ALCAM: variants seen among roughly 807,000 people sequenced by gnomAD.
The protein encoded by ALCAM is CD166 antigen.
ALCAM carries 30 observed loss-of-function variants against 70.9 expected under a neutral mutation model. That is an observed-to-expected ratio of 0.42 (90% CI 0.32 to 0.57). ALCAM has a LOEUF of 0.57. Among genes scored for constraint, ALCAM ranks in the 20% least tolerant of loss-of-function variants. The pLI is 0.11. For missense variants in ALCAM, 591 were observed against 695.1 expected (o/e 0.85, Z 1.68); for synonymous variants, 249 against 242.5 (o/e 1.03, Z -0.25).
chr3:105,431,943 A>G (rs1400722107), intron 1 of ALCAM, among the ~76,000 whole-genome samples: 1 of 152,198 alleles, frequency 6.6e-6, no homozygotes, highest in African/African-American at 2.4e-5. Flanking sequence ...AATGCTTTTT[A>G]ACAGAGTATG....
At chr3:105,408,936 C>A (rs144781463) in intron 1 of ALCAM, among the ~76,000 whole-genome samples, 104 of 152,096 alleles carry the variant, frequency 6.8e-4, no homozygotes, top group African/African-American at 2.4e-3. Flanking sequence ...GACCAATGAG[C>A]ATAAGGAAAA....
At chr3:105,375,533 A>G (rs1270991208) in intron 1 of ALCAM, among the ~76,000 whole-genome samples, 1 of 152,188 alleles carries the variant, frequency 6.6e-6, no homozygotes, top group Non-Finnish European at 1.5e-5. Flanking sequence ...AATGTTGTGG[A>G]TATGAAACAT....
intron 1 of ALCAM, among the ~76,000 whole-genome samples, chr3:105,455,155 C>A (rs1312257221): frequency 6.6e-6 from 1 of 151,690 alleles, no homozygotes; most frequent in Admixed American, 6.6e-5. Flanking sequence ...TATAAGAAAA[C>A]ATTTGGCCGG....
intron 1 of ALCAM, among the ~76,000 whole-genome samples, chr3:105,514,135 A>T (rs1939318607): frequency 6.6e-6 from 1 of 151,952 alleles, no homozygotes; most frequent in African/African-American, 2.4e-5. Context: ...TTGGTTTACC[A>T]ACCCAAAACC....
intron 1 of ALCAM, among the ~76,000 whole-genome samples, chr3:105,441,771 G>A (rs1937175317): frequency 6.6e-6 from 1 of 152,082 alleles, no homozygotes; most frequent in Non-Finnish European, 1.5e-5. Flanking sequence ...ATAAATAAGA[G>A]CTTAACATTT....
intron 1 of ALCAM, among the ~76,000 whole-genome samples, chr3:105,498,955 T>C (rs1938843677): frequency 6.6e-6 from 1 of 152,222 alleles, no homozygotes; most frequent in South Asian, 2.1e-4. Context: ...TATATAAATA[T>C]TAATGTATTT....
At chr3:105,459,512 C>A (rs185131920) in intron 1 of ALCAM, among the ~76,000 whole-genome samples, 3 of 151,942 alleles carry the variant, frequency 2.0e-5, no homozygotes, top group Non-Finnish European at 4.4e-5. Flanking sequence ...TGCCTGCTTT[C>A]GGTGGGCAAT....
intron 1 of ALCAM, among the ~76,000 whole-genome samples, chr3:105,386,762 G>C (rs945890785): frequency 6.6e-6 from 1 of 151,180 alleles, no homozygotes; most frequent in South Asian, 2.1e-4. Flanking sequence ...CATCAAGTTA[G>C]GAATATTTAA....
chr3:105,401,591 A>AG (rs1936090303), intron 1 of ALCAM, among the ~76,000 whole-genome samples: 1 of 152,242 alleles, frequency 6.6e-6, no homozygotes, highest in Non-Finnish European at 1.5e-5. Context: ...TCACTAAGAT[A>AG]GATAGAGTCC....
intron 1 of ALCAM, among the ~76,000 whole-genome samples, chr3:105,517,928 A>G (rs768051114): frequency 2.0e-5 from 3 of 152,150 alleles, no homozygotes; most frequent in South Asian, 2.1e-4. Flanking sequence ...AAGCTTAAAA[A>G]TACATGATCT....
At chr3:105,443,412 A>G (rs1937222066) in intron 1 of ALCAM, among the ~76,000 whole-genome samples, 2 of 152,216 alleles carry the variant, frequency 1.3e-5, no homozygotes, top group South Asian at 4.1e-4. Flanking sequence ...ACTGAAGTAT[A>G]TTATGCACGC....
At chr3:105,525,107 T>G (rs1449076820) in intron 3 of ALCAM, 1 of 977,582 alleles carries the variant, frequency 1.0e-6, no homozygotes, top group African/African-American at 1.8e-5. Context: ...GACTGGTTAT[T>G]GATTTAGATT....
chr3:105,509,623 AC>A (rs1250472447), intron 1 of ALCAM, among the ~76,000 whole-genome samples: 2 of 151,504 alleles, frequency 1.3e-5, no homozygotes, highest in African/African-American at 4.8e-5. Context: ...TTGGATATCA[AC>A]CCTTTATCAG....
At chr3:105,549,106 G>A (rs1311714956) in intron 11 of ALCAM, among the ~76,000 whole-genome samples, 1 of 151,456 alleles carries the variant, frequency 6.6e-6, no homozygotes, top group African/African-American at 2.4e-5. Context: ...TGAAAAAATA[G>A]CAGGTAAATT....
intron 1 of ALCAM, among the ~76,000 whole-genome samples, chr3:105,392,929 T>C (rs1935860535): frequency 6.6e-6 from 1 of 151,910 alleles, no homozygotes; most frequent in Admixed American, 6.6e-5. Context: ...TTGATTGTAG[T>C]GCAAAATTAT....
At position 105,519,449 on chromosome 3, in the gene ALCAM, A is replaced by G. The variant is rs540016573; in HGVS notation, c.74-618A>G. ...GCACTTTATGAAGCATGTTCATACTATAAATTCTTACTATGCTAATATTTT... is the reference window on the plus strand; with the variant it reads ...GCACTTTATGAAGCATGTTCATACTGTAAATTCTTACTATGCTAATATTTT... On this transcript the variant is annotated intron_variant, in intron 1 of 15. Transcript: ENST00000306107. Among the ~76,000 whole-genome samples the G allele has an allele frequency of 2.6e-5, 4 of 152,202 alleles. No individual in the cohort carries two copies. In the East Asian group the frequency reaches 7.7e-4, roughly 29 times the overall value.
chr3:105,453,158 C>A (rs1469782153), intron 1 of ALCAM, among the ~76,000 whole-genome samples: 1 of 152,136 alleles, frequency 6.6e-6, no homozygotes, highest in Admixed American at 6.5e-5. Context: ...ATGCCTACAT[C>A]CTGAATGGTA....
rs779070106 is a variant in ALCAM at position 105,540,043 on chromosome 3, A to T, written c.799A>T (p.Thr267Ser). 1.6e-5 allele frequency: 25 copies of T among 1,612,344 alleles called. No homozygotes were observed. In the African/African-American group the frequency reaches 3.2e-4, roughly 21 times the overall value. Residue 267 changes from threonine to serine, a missense_variant, in exon 7 of 16, where the codon ACT (threonine) becomes TCT (serine). Around this residue, in one of 2 missense-constraint regions of ALCAM, gnomAD observed 427 missense variants for 450.4 expected, o/e 0.95. Coordinates refer to ENST00000306107, the MANE Select transcript of ALCAM (RefSeq NM_001627.4). ...TGCCATCAAAGAAGGGGATAACATC[A>T]CTCTTAAATGCTTAGGGAATGGCAA... Reference protein sequence around the residue: ...KNAIKEGDNITLKCLGNGNPP... With the variant: ...KNAIKEGDNISLKCLGNGNPP...
intron 6 of ALCAM, among the ~76,000 whole-genome samples, chr3:105,536,170 T>C (rs555913093): frequency 2.0e-4 from 31 of 151,872 alleles, no homozygotes; most frequent in African/African-American, 7.0e-4. Flanking sequence ...CTCAGCTTAC[T>C]GCAACCTCCA....
Sources: gnomAD v4.1 joint callset for allele counts (sites outside exome capture counted in the v4.1 genomes callset) on GRCh38, gnomAD v4.1.1 for gene constraint, gnomAD v4.1.1 regional missense constraint, MANE v1.5 for transcripts, NCBI Gene and HGNC (gene_info 2026-07-23, HGNC 2026-07-21) for gene names.